LDB2: variants seen among roughly 807,000 people sequenced by gnomAD.
LDB2 encodes the protein LIM domain binding 2.
Under a neutral mutation model 44.3 loss-of-function variants are expected in LDB2, and 12 were observed. The observed-to-expected ratio is 0.27, with a 90% confidence interval of 0.17 to 0.44. The LOEUF (loss-of-function observed/expected upper bound fraction) is 0.44. LDB2 is among the 20% of genes least tolerant of loss of function. LDB2 has a pLI of 1.00. For missense variants in LDB2, 344 were observed against 473.5 expected, an observed-to-expected ratio of 0.73 and a Z score of 2.54; for synonymous variants, 164 against 174.8, an observed-to-expected ratio of 0.94 and a Z score of 0.49.
intron 2 of LDB2, among the ~76,000 whole-genome samples, chr4:16,721,811 A>G (rs959566236): frequency 1.3e-5 from 2 of 152,198 alleles, no homozygotes; most frequent in African/African-American, 4.8e-5. Flanking sequence ...GATAATCTAA[A>G]GCCGAAAGAG....
chr4:16,860,253 TA>T (rs1712076518), intron 1 of LDB2, among the ~76,000 whole-genome samples: 1 of 152,238 alleles, frequency 6.6e-6, no homozygotes, highest in Middle Eastern at 3.2e-3. Flanking sequence ...CTGTACCATT[TA>T]AATACTAATG....
chr4:16,522,734 G>C (rs1052248545), intron 5 of LDB2, among the ~76,000 whole-genome samples: 5 of 152,166 alleles, frequency 3.3e-5, no homozygotes, highest in Non-Finnish European at 5.9e-5. Flanking sequence ...TGGTCACTCT[G>C]TCTATGGTAT....
At chr4:16,716,608 C>T (rs1238304160) in intron 2 of LDB2, among the ~76,000 whole-genome samples, 1 of 152,120 alleles carries the variant, frequency 6.6e-6, no homozygotes, top group Non-Finnish European at 1.5e-5. Context: ...GAACTCTTTT[C>T]CTCAAATGAA....
intron 2 of LDB2, among the ~76,000 whole-genome samples, chr4:16,601,565 A>C (rs1410230673): frequency 1.3e-5 from 2 of 152,184 alleles, no homozygotes. Flanking sequence ...ATAACCAAGC[A>C]CATGTTTTTA....
chr4:16,560,514 C>T (rs1361370612), intron 5 of LDB2, among the ~76,000 whole-genome samples: 1 of 152,068 alleles, frequency 6.6e-6, no homozygotes, highest in Non-Finnish European at 1.5e-5. Flanking sequence ...CAGACTAAAC[C>T]AGAAAGAAGT....
At chr4:16,649,970 G>A (rs1345210220) in intron 2 of LDB2, among the ~76,000 whole-genome samples, 1 of 152,216 alleles carries the variant, frequency 6.6e-6, no homozygotes, top group Non-Finnish European at 1.5e-5. Flanking sequence ...TGAGTGGAGA[G>A]TGCCTCCCTT....
At chr4:16,534,292 C>A (rs547395948) in intron 5 of LDB2, among the ~76,000 whole-genome samples, 1 of 152,282 alleles carries the variant, frequency 6.6e-6, no homozygotes, top group East Asian at 1.9e-4. Context: ...CAGCCTCCAT[C>A]CTAAACCCAT....
chr4:16,647,540 C>G (rs1276581703), intron 2 of LDB2, among the ~76,000 whole-genome samples: 1 of 152,128 alleles, frequency 6.6e-6, no homozygotes, highest in Admixed American at 6.5e-5. Context: ...TGAATGATCA[C>G]TTTTGCAAGG....
At chr4:16,779,740 G>T (rs1047776568) in intron 1 of LDB2, among the ~76,000 whole-genome samples, 1 of 152,226 alleles carries the variant, frequency 6.6e-6, no homozygotes, top group East Asian at 1.9e-4. Context: ...CCCATGGTCA[G>T]TTCAGTTGAC....
chr4:16,517,806 T>C (rs2152263546), intron 5 of LDB2, among the ~76,000 whole-genome samples: 1 of 152,336 alleles, frequency 6.6e-6, no homozygotes, highest in South Asian at 2.1e-4. Flanking sequence ...ACCTCTTTTT[T>C]CTGGAGATTC....
At chr4:16,674,944 A>G (rs1745879330) in intron 2 of LDB2, among the ~76,000 whole-genome samples, 1 of 110,464 alleles carries the variant, frequency 9.1e-6, no homozygotes, top group African/African-American at 3.4e-5. Flanking sequence ...GGAACCTGAA[A>G]GCGAATTCCC....
intron 2 of LDB2, among the ~76,000 whole-genome samples, chr4:16,621,138 G>A (rs1728763018): frequency 6.6e-6 from 1 of 152,114 alleles, no homozygotes; most frequent in Non-Finnish European, 1.5e-5. Flanking sequence ...CCAGGCCAGG[G>A]GTACCTATAT....
intron 5 of LDB2, among the ~76,000 whole-genome samples, chr4:16,570,393 G>T (rs1390359657): frequency 2.8e-5 from 4 of 142,460 alleles, no homozygotes; most frequent in African/African-American, 7.8e-5. Context: ...AACCTGGGAG[G>T]CGGAGCTTGC....
At chr4:16,660,886 T>G (rs1294572674) in intron 2 of LDB2, among the ~76,000 whole-genome samples, 1 of 152,182 alleles carries the variant, frequency 6.6e-6, no homozygotes, top group African/African-American at 2.4e-5. Context: ...CCCAGTCTAA[T>G]TCAGCCTCAG....
At chr4:16,546,041 T>C (rs938669144) in intron 5 of LDB2, among the ~76,000 whole-genome samples, 5 of 152,240 alleles carry the variant, frequency 3.3e-5, no homozygotes, top group Non-Finnish European at 5.9e-5. Flanking sequence ...GTAATGCTCA[T>C]GAACCCATTT....
chr4:16,754,262 C>G (rs751836848), intron 2 of LDB2, among the ~76,000 whole-genome samples: 1 of 152,166 alleles, frequency 6.6e-6, no homozygotes, highest in Non-Finnish European at 1.5e-5. Context: ...CTAATCTCCT[C>G]AGTCCTGCAT....
intron 2 of LDB2, among the ~76,000 whole-genome samples, chr4:16,618,305 A>T (rs1727914562): frequency 6.6e-6 from 1 of 152,186 alleles, no homozygotes; most frequent in Admixed American, 6.5e-5. Flanking sequence ...TCCCCAGATC[A>T]GATTCAGAGA....
intron 5 of LDB2, among the ~76,000 whole-genome samples, chr4:16,527,253 A>ACTTCTAGG (rs1320601147): frequency 6.6e-6 from 1 of 152,102 alleles, no homozygotes; most frequent in Non-Finnish European, 1.5e-5. Context: ...TCTTTGAGAA[A>ACTTCTAGG]CTTCTAGGAG....
chr4:16,503,177 G>T, intron 7 of LDB2: 1 of 1,530,060 alleles, frequency 6.5e-7, no homozygotes, highest in Middle Eastern at 1.7e-4. Flanking sequence ...AAAAATCCAT[G>T]CTTTCAACTT....
Sources: gnomAD v4.1 joint callset for allele counts (sites outside exome capture counted in the v4.1 genomes callset) on GRCh38, gnomAD v4.1.1 for gene constraint, MANE v1.5 for transcripts, NCBI Gene and HGNC (gene_info 2026-07-23, HGNC 2026-07-21) for gene names.